Variants in SLC25A24 observed in about 807,000 individuals in gnomAD.
The protein encoded by SLC25A24 is mitochondrial adenyl nucleotide antiporter SLC25A24.
In SLC25A24, 49 loss-of-function variants were observed where a neutral mutation model predicts 60.7. The ratio of observed to expected loss-of-function variants is 0.81; its 90% CI spans 0.64 to 1.02. The LOEUF is 1.02. SLC25A24 is among the 50% of genes least tolerant of loss of function. The probability of loss-of-function intolerance (pLI) is 0.00; values close to 1 mark genes in which losing one functional copy is unlikely to be tolerated. For synonymous variants in SLC25A24, 202 were observed against 200.6 expected (o/e 1.01, Z -0.06); for missense variants, 564 against 586.3 (o/e 0.96, Z 0.39).
At chr1:108,156,518 T>C (rs1679903696) in intron 5 of SLC25A24, among the ~76,000 whole-genome samples, 1 of 152,214 alleles carries the variant, frequency 6.6e-6, no homozygotes, top group African/African-American at 2.4e-5. Flanking sequence ...TAAATAAATT[T>C]TGAGATTTGG....
At chr1:108,140,852 A>C (rs1037790326) in intron 8 of SLC25A24, among the ~76,000 whole-genome samples, 10 of 152,020 alleles carry the variant, frequency 6.6e-5, no homozygotes, top group Non-Finnish European at 8.8e-5. Flanking sequence ...AACACAGAAG[A>C]AGCCAGGAAG....
Position 108,157,613 on chromosome 1 carries a change from T to G in SLC25A24, c.518A>C (p.Asp173Ala). The G allele has an allele frequency of 6.2e-7, 1 of 1,611,662 alleles. No homozygotes were observed. The highest frequency in any genetic ancestry group is 8.5e-7 in the Non-Finnish European group (1 of 1,178,330). ...IRFWKHSTGI[D>A]IGDSLTIPDE... ...TGGAATAGTTAAGCTATCCCCTATGTCAATTCCCTGTAAAAATGAAAAAAA... is the reference window on the plus strand; with the variant it reads ...TGGAATAGTTAAGCTATCCCCTATGGCAATTCCCTGTAAAAATGAAAAAAA... Residue 173 changes from aspartate (D) to alanine (A), a missense_variant, in exon 5 of 10, where the codon GAC (aspartate) becomes GCC (alanine). Coordinates refer to ENST00000565488, the MANE Select transcript of SLC25A24 (RefSeq NM_013386.5).
intron 3 of SLC25A24, among the ~76,000 whole-genome samples, chr1:108,163,782 T>C (rs1374272822): frequency 6.6e-6 from 1 of 152,030 alleles, no homozygotes; most frequent in Non-Finnish European, 1.5e-5. Flanking sequence ...ATACCCTTTA[T>C]TTCCTTCTCC....
At position 108,136,628 on chromosome 1, in the gene SLC25A24, T is replaced by C. The variant is rs200970220; in HGVS notation, c.*25A>G. ...CAGAGATTGTTGAAAGTTTCAATTA[T>C]CAGGCTAAAGCAAAAAATGCAACAT... is the stretch of plus-strand genomic sequence containing the variant. On this transcript the variant is annotated 3_prime_UTR_variant, in exon 10 of 10. Coordinates refer to ENST00000565488, the MANE Select transcript of SLC25A24 (RefSeq NM_013386.5). 206 of 1,593,680 alleles carry C rather than the reference T, an allele frequency of 1.3e-4. No homozygotes were observed. Among genetic ancestry groups the C allele is most frequent in the Non-Finnish European group, 1.7e-4 (201 of 1,165,042 alleles).
chr1:108,160,390 C>T (rs1384125240), intron 4 of SLC25A24, among the ~76,000 whole-genome samples: 48 of 147,402 alleles, frequency 3.3e-4, no homozygotes, highest in African/African-American at 1.1e-3. Flanking sequence ...ACATCCCAGA[C>T]GATGGGCGGC....
At chr1:108,198,789 C>T (rs967610299) in intron 1 of SLC25A24, 1 of 152,206 alleles carries the variant, frequency 6.6e-6, no homozygotes. Flanking sequence ...ACTCTCTAGC[C>T]TCTAACCCTG....
chr1:108,168,320 A>G (rs901103721), intron 3 of SLC25A24, among the ~76,000 whole-genome samples: 2 of 152,066 alleles, frequency 1.3e-5, no homozygotes, highest in Admixed American at 6.6e-5. Context: ...TTATAGGTTT[A>G]TTTATGTCAC....
chr1:108,157,368 C>G (rs1159063016), intron 5 of SLC25A24, 94 bp downstream of exon 5: 1 of 1,337,658 alleles, frequency 7.5e-7, no homozygotes, highest in African/African-American at 1.5e-5. Context: ...AAGATTATTA[C>G]TGAGAAATTT....
In SLC25A24 at chr1:108,144,587, C is replaced by T. The variant is rs1679536154; in HGVS notation, c.931-877G>A. Among the ~76,000 whole-genome samples, 8 of 152,234 alleles carry T rather than the reference C, an allele frequency of 5.3e-5. No individual in the cohort carries two copies. In the South Asian group the frequency reaches 1.7e-3, roughly 32 times the overall value. The stretch of plus-strand genomic sequence containing the variant: ...TAATGCTATTCCTCCCCTAGCCCCT[C>T]ATCCCCAAAAAGGCCCCAGTGTGTG... On this transcript the variant is annotated intron_variant, in intron 7 of 9. Transcript: ENST00000565488.
intron 7 of SLC25A24, among the ~76,000 whole-genome samples, chr1:108,146,621 A>G (rs1437971962): frequency 6.6e-6 from 1 of 152,244 alleles, no homozygotes; most frequent in African/African-American, 2.4e-5. Flanking sequence ...AGTTTTTAAC[A>G]TGAAGTGGTG....
chr1:108,140,626 T>TA (rs1679419104), intron 8 of SLC25A24, among the ~76,000 whole-genome samples: 1 of 151,804 alleles, frequency 6.6e-6, no homozygotes, highest in South Asian at 2.1e-4. Context: ...TCAAAAGACA[T>TA]AAAGTTTGTG....
intron 4 of SLC25A24, among the ~76,000 whole-genome samples, chr1:108,160,799 A>G (rs1219241421): frequency 6.6e-6 from 1 of 152,174 alleles, no homozygotes; most frequent in African/African-American, 2.4e-5. Context: ...AAAATACGAA[A>G]AACAGTCAGG....
At chr1:108,141,008 A>AT (rs1022883335) in intron 8 of SLC25A24, among the ~76,000 whole-genome samples, 1 of 152,186 alleles carries the variant, frequency 6.6e-6, no homozygotes, top group Non-Finnish European at 1.5e-5. Flanking sequence ...TGCTGAGTGA[A>AT]TAACACATAC....
At chr1:108,156,669 G>A (rs909573679) in intron 5 of SLC25A24, among the ~76,000 whole-genome samples, 2 of 152,138 alleles carry the variant, frequency 1.3e-5, no homozygotes, top group Non-Finnish European at 2.9e-5. Flanking sequence ...GTTCCAATAG[G>A]TTATTCCAGT....
chr1:108,154,915 A>G, intron 6 of SLC25A24, 68 bp downstream of exon 6: 1 of 1,222,640 alleles, frequency 8.2e-7, no homozygotes, highest in Non-Finnish European at 1.2e-6. Flanking sequence ...AGCATTATAC[A>G]TTAACATTTA....
intron 3 of SLC25A24, among the ~76,000 whole-genome samples, chr1:108,169,046 C>T (rs1388535703): frequency 4.6e-5 from 7 of 152,148 alleles, no homozygotes; most frequent in South Asian, 4.1e-4. Flanking sequence ...TGCATGAGCA[C>T]GAGCATCATC....
intron 9 of SLC25A24, 50 bp downstream of exon 9, chr1:108,139,008 A>G (rs764061876): frequency 6.3e-6 from 9 of 1,436,592 alleles, no homozygotes; most frequent in Non-Finnish European, 8.3e-6. Flanking sequence ...CTAAAAGCAC[A>G]TTACTGGTGC....
intron 1 of SLC25A24, 80 bp downstream of exon 1, chr1:108,199,876 G>A (rs952050485): frequency 5.3e-6 from 6 of 1,137,344 alleles, no homozygotes; most frequent in Middle Eastern, 2.7e-4. Context: ...GCCTCAAGCC[G>A]CCGCCCTCCT....
At chr1:108,143,999 C>T (rs539105262) in intron 7 of SLC25A24, among the ~76,000 whole-genome samples, 1 of 152,124 alleles carries the variant, frequency 6.6e-6, no homozygotes, top group Non-Finnish European at 1.5e-5. Flanking sequence ...CCACCTGCAT[C>T]TGGAAGGTGA....
Sources: gnomAD v4.1 joint callset for allele counts (sites outside exome capture counted in the v4.1 genomes callset) on GRCh38, gnomAD v4.1.1 for gene constraint, MANE v1.5 for transcripts, NCBI Gene and HGNC (gene_info 2026-07-23, HGNC 2026-07-21) for gene names.